Variants in DSG4 observed in about 807,000 individuals in gnomAD.
The protein encoded by DSG4 is desmoglein 4, also known as desmoglein-4.
In DSG4, 87 loss-of-function variants were observed where a neutral mutation model predicts 93.1. That is an observed-to-expected ratio of 0.93 (90% CI 0.79 to 1.12). The LOEUF is 1.12. Ranked by LOEUF, DSG4 falls within the 50% of genes most tolerant of loss-of-function variation. The pLI is 0.00. For synonymous variants in DSG4, 432 were observed against 452.9 expected (o/e 0.95, Z 0.59); for missense variants, 1,373 against 1,285.7 (o/e 1.07, Z -1.04).
chr18:31,392,388 AAAG>A (rs2072260070), intron 8 of DSG4, 48 bp downstream of exon 8: 1 of 1,593,472 alleles, frequency 6.3e-7, no homozygotes, highest in Admixed American at 1.7e-5. Flanking sequence ...ATTTTATTCC[AAAG>A]AAGTTTTAAA....
chr18:31,389,225 A>G (rs2072223357), intron 5 of DSG4, among the ~76,000 whole-genome samples: 1 of 152,194 alleles, frequency 6.6e-6, no homozygotes, highest in South Asian at 2.1e-4. Context: ...TTACTTGCGG[A>G]AGGTCCCTAC....
chr18:31,399,690 A>G, intron 9 of DSG4, 147 bp downstream of exon 9: 1 of 1,092,028 alleles, frequency 9.2e-7, no homozygotes, highest in African/African-American at 1.6e-5. Flanking sequence ...GAGCATTTGA[A>G]ATCTTAGAAT....
In DSG4 at chr18:31,406,383, C is replaced by G. The variant is rs772771635; in HGVS notation, c.1933+10C>G. Reference sequence around the variant, plus strand: ...ATCCTGCTACTGATTTGTAAGTACTCAATTAAATCCTTCTTTTCAATAGTT... The same window carrying G: ...ATCCTGCTACTGATTTGTAAGTACTGAATTAAATCCTTCTTTTCAATAGTT... On this transcript the variant is annotated intron_variant, in intron 12 of 15. Coordinates refer to ENST00000308128, the MANE Select transcript of DSG4 (RefSeq NM_177986.5). The G allele has an allele frequency of 6.2e-7, 1 of 1,614,010 alleles. No homozygotes were observed. The highest frequency in any genetic ancestry group is 8.5e-7 in the Non-Finnish European group (1 of 1,180,022).
Position 31,413,849 on chromosome 18 carries a change from A to G in DSG4, c.*254A>G. On this transcript the variant is annotated 3_prime_UTR_variant, in exon 16 of 16. Transcript: ENST00000308128. Reference sequence around the variant, plus strand: ...CAGAAAATGTATTGCATCCCTTGATACTGTCTAACGAATAGCACATAACTC... The same window carrying G: ...CAGAAAATGTATTGCATCCCTTGATGCTGTCTAACGAATAGCACATAACTC... The G allele has an allele frequency of 4.5e-6, 2 of 448,420 alleles. No homozygotes were observed. The highest frequency in any genetic ancestry group is 4.1e-6 in the Non-Finnish European group (1 of 244,202). 27.8% of individuals were successfully genotyped at this position (448,420 alleles called of 1,614,324 possible).
chr18:31,401,172 A>T, intron 10 of DSG4, 152 bp downstream of exon 10: 1 of 605,006 alleles, frequency 1.7e-6, no homozygotes, highest in Non-Finnish European at 2.6e-6. Context: ...TCAAGAATTG[A>T]AGTCAATTAA....
chr18:31,407,971 C>T (rs1027693546), intron 12 of DSG4, among the ~76,000 whole-genome samples: 2 of 152,232 alleles, frequency 1.3e-5, no homozygotes, highest in African/African-American at 4.8e-5. Context: ...AACCCAGTGC[C>T]AGCTGCATTT....
chr18:31,397,896 G>T (rs765622299), intron 8 of DSG4, among the ~76,000 whole-genome samples: 2 of 151,814 alleles, frequency 1.3e-5, no homozygotes, highest in African/African-American at 2.4e-5. Context: ...GTGTGGTGGC[G>T]CATGCTTATA....
At chr18:31,388,729 C>A in intron 4 of DSG4, 145 bp from the exon 5 acceptor site, 1 of 1,352,888 alleles carries the variant, frequency 7.4e-7, no homozygotes, top group Non-Finnish European at 1.0e-6. Flanking sequence ...GTCAAGTGTC[C>A]TGATCATATT....
intron 5 of DSG4, 53 bp downstream of exon 5, chr18:31,389,071 T>G: frequency 6.2e-7 from 1 of 1,602,528 alleles, no homozygotes; most frequent in South Asian, 1.1e-5. Flanking sequence ...CTTCTCTTGG[T>G]CAAAAGCTTT....
intron 15 of DSG4, among the ~76,000 whole-genome samples, chr18:31,412,191 T>TA (rs1230386760): frequency 3.9e-5 from 6 of 152,184 alleles, no homozygotes; most frequent in African/African-American, 9.7e-5. Context: ...TATTCAGCCA[T>TA]AAAAAATGAA....
At position 31,386,893 on chromosome 18, in the gene DSG4, A is replaced by C. The variant is rs141282668; in HGVS notation, c.216+74A>C. 261 of 1,598,018 alleles carry C rather than the reference A, an allele frequency of 1.6e-4. 1 individual carries two copies. In the African/African-American group the frequency reaches 2.9e-3, roughly 18 times the overall value. ...GCTTTCAAATATCTCCAAGATTTGC[A>C]GGCTTCACTGCTCCACAGTTATTTA... On this transcript the variant is annotated intron_variant, in intron 3 of 15. Transcript: ENST00000308128.
At chr18:31,400,711 T>C (rs1229072782) in intron 9 of DSG4, among the ~76,000 whole-genome samples, 170 bp from the exon 10 acceptor site, 1 of 152,312 alleles carries the variant, frequency 6.6e-6, no homozygotes, top group African/African-American at 2.4e-5. Context: ...TATTAATGTA[T>C]ATATCATTGA....
At chr18:31,377,774 G>A (rs909150903) in intron 1 of DSG4, among the ~76,000 whole-genome samples, 13 of 152,154 alleles carry the variant, frequency 8.5e-5, no homozygotes, top group Non-Finnish European at 1.5e-4. Flanking sequence ...AAGAGGACAG[G>A]ATTATTAGGA....
chr18:31,414,242 A>G lies in DSG4; in HGVS notation c.*647A>G, dbSNP rs537836258. 8 of 152,302 alleles carry G rather than the reference A, an allele frequency of 5.3e-5. No homozygotes were observed. The highest frequency in any genetic ancestry group is 1.9e-4 in the African/African-American group (8 of 41,572). The allele number at this position is 152,302 out of a possible 1,614,324, so 9.4% of individuals were successfully genotyped here. On this transcript the variant is annotated 3_prime_UTR_variant, in exon 16 of 16. Transcript: ENST00000308128. Reference sequence around the variant, plus strand: ...CAAAGAAAAATATATATTTTTATTGAACTTTATTGATTTATATGATTAACT... The same window carrying G: ...CAAAGAAAAATATATATTTTTATTGGACTTTATTGATTTATATGATTAACT...
chr18:31,388,747 T>C, intron 4 of DSG4, 127 bp from the exon 5 acceptor site: 1 of 1,435,708 alleles, frequency 7.0e-7, no homozygotes. Context: ...ATTTAAATTA[T>C]TTGACTGTAC....
chr18:31,406,061 C>A lies in DSG4; in HGVS notation c.1637-16C>A, dbSNP rs201562366. On this transcript the variant is annotated splice_polypyrimidine_tract_variant and intron_variant, in intron 11 of 15. Transcript: ENST00000308128. ...GGAATTTCCATTTATTTTCTGTTTC[C>A]TCTCTTCCATTTCAGCTACCTCGGC... The A allele has an allele frequency of 6.2e-7, 1 of 1,613,676 alleles. No homozygotes were observed.
chr18:31,390,964 A>T (rs2072242090), intron 6 of DSG4, 114 bp from the exon 7 acceptor site: 1 of 1,514,098 alleles, frequency 6.6e-7, no homozygotes, highest in South Asian at 1.2e-5. Flanking sequence ...AAGCTCAATT[A>T]TATAAATTTC....
chr18:31,390,761 TG>T lies in DSG4; in HGVS notation c.624del (p.Met208IlefsTer4), dbSNP rs757678292. 8.7e-6 allele frequency: 14 copies of T among 1,613,794 alleles called. No homozygotes were observed. The East Asian group carries it at 3.1e-4, about 36-fold the overall frequency. ...TCTCAGGAGCCATCAGGTGCACCCATGTTCATTCTGAATAGGTACACTGGAG... is the reference window on the plus strand; with the variant it reads ...TCTCAGGAGCCATCAGGTGCACCCATTTCATTCTGAATAGGTACACTGGAG... ...IVSQEPSGAP[M>X]FILNRYTGEV... On this transcript the variant is annotated frameshift_variant, in exon 6 of 16. Transcript: ENST00000308128. LOFTEE classifies it high-confidence loss of function.
Position 31,377,076 on chromosome 18 carries a change from G to A in DSG4, c.48+117G>A, listed in dbSNP as rs540171103. 136 of 1,120,040 alleles carry A rather than the reference G, an allele frequency of 1.2e-4. 1 individual carries two copies. In the South Asian group the frequency reaches 1.6e-3, roughly 13 times the overall value. 69.4% of individuals were successfully genotyped at this position (1,120,040 alleles called of 1,614,324 possible). A position where few individuals can be genotyped will look rare whatever the true frequency, so the allele number is the denominator to read the frequency against. On this transcript the variant is annotated intron_variant, in intron 1 of 15. Coordinates refer to ENST00000308128, the MANE Select transcript of DSG4 (RefSeq NM_177986.5). ...TTTTAATCTCCTTCCTGCAAAGAGA[G>A]TTCTAGAAGTCCAGCCTCTGTTAAT...
Sources: allele counts gnomAD v4.1 joint callset (sites outside exome capture counted in the v4.1 genomes callset), GRCh38; gene constraint gnomAD v4.1.1; transcripts MANE v1.5; gene names NCBI Gene and HGNC (gene_info 2026-07-23, HGNC 2026-07-21).